Variants in ADGRB2 observed in about 807,000 individuals in gnomAD.
ADGRB2 encodes brain-specific angiogenesis inhibitor 2.
Under a neutral mutation model 178.7 loss-of-function variants are expected in ADGRB2, and 47 were observed. That is an observed-to-expected ratio of 0.26 (90% CI 0.21 to 0.34). The LOEUF (loss-of-function observed/expected upper bound fraction) is 0.34. ADGRB2 is among the 10% of genes least tolerant of loss of function. ADGRB2 has a pLI of 1.00. For missense variants in ADGRB2, 1,584 were observed against 2,180.8 expected, an observed-to-expected ratio of 0.73 and a Z score of 5.45; for synonymous variants, 870 against 912.4, an observed-to-expected ratio of 0.95 and a Z score of 0.84.
chr1:31,761,276 G>GC lies in ADGRB2; in HGVS notation c.-191+2607dup, dbSNP rs200020223. ...CCCCTTCCTCCGTGCCACCTTCCCTGCCCCCAAGCTACTCAGGCCAAAGCC... is the reference window on the plus strand; with the variant it reads ...CCCCTTCCTCCGTGCCACCTTCCCTGCCCCCCAAGCTACTCAGGCCAAAGCC... On this transcript the variant is annotated intron_variant, in intron 1 of 32. Transcript: ENST00000373658. This position sits in a 1 kb window ranked among gnomAD's most constrained non-coding sequence, Gnocchi z 4.2. 0.014 allele frequency among the ~76,000 whole-genome samples: 2,155 copies of GC among 152,302 alleles called. 20 individuals carry two copies. Among genetic ancestry groups the GC allele is most frequent in the Non-Finnish European group, 0.021 (1,446 of 68,024 alleles).
rs71006321 is a variant in ADGRB2 at position 31,728,803 on chromosome 1, AACACACACAC to A, written c.4381-180_4381-171del. Among the ~76,000 whole-genome samples the A allele has an allele frequency of 1.0e-3, 121 of 115,528 alleles. 1 individual carries two copies. The highest frequency in any genetic ancestry group is 1.2e-3 in the South Asian group (3 of 2,526). 75.8% of individuals were successfully genotyped at this position (115,528 alleles called of 152,430 possible). A position where few individuals can be genotyped will look rare whatever the true frequency, so the allele number is the denominator to read the frequency against. The stretch of plus-strand genomic sequence containing the variant: ...TGGGGCAGCTTTTCAGGCCTCACTG[AACACACACAC>A]ACACACACACACACACACACACACA... On this transcript the variant is annotated intron_variant, in intron 29 of 32. Coordinates refer to ENST00000373658, the MANE Select transcript of ADGRB2 (RefSeq NM_001364857.2). The surrounding 1 kb of genome is among the most constrained non-coding windows in gnomAD (Gnocchi z 6.7).
chr1:31,763,650 G>A (rs547349895), intron 1 of ADGRB2, among the ~76,000 whole-genome samples: 1 of 151,412 alleles, frequency 6.6e-6, no homozygotes, highest in African/African-American at 2.4e-5. Flanking sequence ...CTGGGGGAGG[G>A]GGGGGGCCGA....
Position 31,756,957 on chromosome 1 carries a change from A to G in ADGRB2, c.22-142T>C. 9.1e-7 allele frequency: 1 copy of G among 1,095,876 alleles called. No homozygotes were observed. Among genetic ancestry groups the G allele is most frequent in the East Asian group, 2.6e-5 (1 of 38,574 alleles). 67.9% of individuals were successfully genotyped at this position (1,095,876 alleles called of 1,614,324 possible). Reference sequence around the variant, plus strand: ...CACCTGGGTCCACCTGTGTGAACTTAGACAAGGGACTTGACCTCTCTGAGC... The same window carrying G: ...CACCTGGGTCCACCTGTGTGAACTTGGACAAGGGACTTGACCTCTCTGAGC... On this transcript the variant is annotated intron_variant, in intron 3 of 32. Coordinates refer to ENST00000373658, the MANE Select transcript of ADGRB2 (RefSeq NM_001364857.2). This position sits in a 1 kb window ranked among gnomAD's most constrained non-coding sequence, Gnocchi z 8.5.
At chr1:31,738,169 T>C (rs1261011842) in intron 18 of ADGRB2, 31 bp downstream of exon 18, 3 of 1,608,644 alleles carry the variant, frequency 1.9e-6, no homozygotes, top group Non-Finnish European at 8.5e-7. Context: ...CCTCCTCCCT[T>C]ATTCAGCCCA....
rs1453444044 is a variant in ADGRB2 at position 31,761,203 on chromosome 1, G to A, written c.-191+2681C>T. 6.6e-6 allele frequency among the ~76,000 whole-genome samples: 1 copy of A among 152,212 alleles called. No individual in the cohort carries two copies. The highest frequency in any genetic ancestry group is 2.4e-5 in the African/African-American group (1 of 41,458). On this transcript the variant is annotated intron_variant, in intron 1 of 32. Transcript: ENST00000373658. The surrounding 1 kb of genome is among the most constrained non-coding windows in gnomAD (Gnocchi z 4.2). ...GGCTGCCACTCCCCGGTGGGACCCA[G>A]GTCCGGCCACACTACCCAGAGGACT...
Position 31,728,640 on chromosome 1 carries a change from A to G in ADGRB2, c.4381-7T>C. Reference sequence around the variant, plus strand: ...AATACCGTAATTTCTTTCGCTGGGAAGGAGCAACAAGGAGGCAATGGAGGA... The same window carrying G: ...AATACCGTAATTTCTTTCGCTGGGAGGGAGCAACAAGGAGGCAATGGAGGA... On this transcript the variant is annotated splice_polypyrimidine_tract_variant and splice_region_variant and intron_variant, in intron 29 of 32. Transcript: ENST00000373658. The surrounding 1 kb of genome is among the most constrained non-coding windows in gnomAD (Gnocchi z 6.7). 6.2e-7 allele frequency: 1 copy of G among 1,613,968 alleles called. No individual in the cohort carries two copies. The highest frequency in any genetic ancestry group is 1.1e-5 in the South Asian group (1 of 91,070).
Position 31,740,218 on chromosome 1 carries a change from A to G in ADGRB2, c.1990-40T>C. On this transcript the variant is annotated intron_variant, in intron 12 of 32. Transcript: ENST00000373658. The surrounding 1 kb of genome is among the most constrained non-coding windows in gnomAD (Gnocchi z 5.9). ...ATGAGTGGCAGGGGGTCCTAGCCCC[A>G]GGGAACAGGGGGCTTCCCCCACTAT... 6.2e-7 allele frequency: 1 copy of G among 1,611,858 alleles called. No individual in the cohort carries two copies. Among genetic ancestry groups the G allele is most frequent in the East Asian group, 2.2e-5 (1 of 44,856 alleles).
intron 20 of ADGRB2, 82 bp from the exon 21 acceptor site, chr1:31,736,805 G>A (rs1181910260): frequency 2.0e-6 from 3 of 1,515,116 alleles, no homozygotes; most frequent in Admixed American, 2.2e-5. Context: ...CCCGCTGCTG[G>A]GCGCTGCCAC....
Position 31,742,047 on chromosome 1 carries a change from A to G in ADGRB2, c.1417+6T>C. On this transcript the variant is annotated splice_donor_region_variant and intron_variant, in intron 8 of 32. Coordinates refer to ENST00000373658, the MANE Select transcript of ADGRB2 (RefSeq NM_001364857.2). ...GCAACTTGCCACCACTGTGCCAAGC[A>G]CTCACCCGGGCACTCGAGGTTGCTG... 1 of 1,602,560 alleles carries G rather than the reference A, an allele frequency of 6.2e-7. No homozygotes were observed.
At chr1:31,743,820 G>T in intron 6 of ADGRB2, 1 of 190,312 alleles carries the variant, frequency 5.3e-6, no homozygotes, top group Non-Finnish European at 1.1e-5. Context: ...GGCTGAATTT[G>T]AATAGCCAAG....
rs565297785 is a variant in ADGRB2 at position 31,761,799 on chromosome 1, G to C, written c.-191+2085C>G. Among the ~76,000 whole-genome samples, 2 of 152,304 alleles carry C rather than the reference G, an allele frequency of 1.3e-5. No homozygotes were observed. The highest frequency in any genetic ancestry group is 4.8e-5 in the African/African-American group (2 of 41,536). ...CCTTTGGGATTAGGAGTGGAGTGGA[G>C]AGGGGCCTGACCTTGGCCTTGAACA... On this transcript the variant is annotated intron_variant, in intron 1 of 32. Coordinates refer to ENST00000373658, the MANE Select transcript of ADGRB2 (RefSeq NM_001364857.2). This position sits in a 1 kb window ranked among gnomAD's most constrained non-coding sequence, Gnocchi z 4.2.
At position 31,741,540 on chromosome 1, in the gene ADGRB2, G is replaced by A. The variant is rs983327815; in HGVS notation, c.1688-61C>T. Reference sequence around the variant, plus strand: ...GCCGAGCTCTCACCCACACTCCTCCGTATCTCAGAGAGGCTGGGGGCGCAG... The same window carrying A: ...GCCGAGCTCTCACCCACACTCCTCCATATCTCAGAGAGGCTGGGGGCGCAG... On this transcript the variant is annotated intron_variant, in intron 10 of 32. Transcript: ENST00000373658. This position sits in a 1 kb window ranked among gnomAD's most constrained non-coding sequence, Gnocchi z 6.5. 5.1e-5 allele frequency: 81 copies of A among 1,586,108 alleles called. No homozygotes were observed. Among genetic ancestry groups the A allele is most frequent in the African/African-American group, 1.1e-4 (8 of 74,494 alleles).
At chr1:31,757,304 G>A in intron 2 of ADGRB2, 23 bp from the exon 3 acceptor site, 1 of 1,544,400 alleles carries the variant, frequency 6.5e-7, no homozygotes, top group Non-Finnish European at 8.9e-7. Context: ...TCAAAGTGGT[G>A]ATGTTTGACT....
chr1:31,743,555 C>T (rs1423257670), intron 6 of ADGRB2: 2 of 152,944 alleles, frequency 1.3e-5, no homozygotes, highest in Admixed American at 1.3e-4. Context: ...TACCAAGAGC[C>T]CTTCCCAGGT....
rs553446690 is a variant in ADGRB2, at chr1:31,733,333, G to A, written c.3453-190C>T. Among the ~76,000 whole-genome samples, 42 of 152,302 alleles carry A rather than the reference G, an allele frequency of 2.8e-4. 1 individual carries two copies. In the East Asian group the frequency reaches 3.7e-3, roughly 13 times the overall value. ...GAGCCAGAGAAACAGAACAGAGACCGAAAGCAGCGAACTACGGGGTCAGAG... is the reference window on the plus strand; with the variant it reads ...GAGCCAGAGAAACAGAACAGAGACCAAAAGCAGCGAACTACGGGGTCAGAG... On this transcript the variant is annotated intron_variant, in intron 25 of 32. Transcript: ENST00000373658. This position sits in a 1 kb window ranked among gnomAD's most constrained non-coding sequence, Gnocchi z 4.3.
intron 21 of ADGRB2, 25 bp from the exon 22 acceptor site, chr1:31,736,415 G>A: frequency 6.2e-7 from 1 of 1,613,294 alleles, no homozygotes; most frequent in East Asian, 2.2e-5. Context: ...GTGCCAGAGT[G>A]AGATGGTTGC....
chr1:31,757,160 A>G, intron 3 of ADGRB2, 41 bp downstream of exon 3: 4 of 1,614,150 alleles, frequency 2.5e-6, no homozygotes, highest in Non-Finnish European at 3.4e-6. Flanking sequence ...CATCAACTAC[A>G]AGCATATTCG....
chr1:31,736,731 G>C lies in ADGRB2; in HGVS notation c.2980-8C>G. On this transcript the variant is annotated splice_polypyrimidine_tract_variant and splice_region_variant and intron_variant, in intron 20 of 32. Coordinates refer to ENST00000373658, the MANE Select transcript of ADGRB2 (RefSeq NM_001364857.2). ...CGTCATGGTGCACACGCCCTGCAGG[G>C]AGAGGGAATGGGAGGGAGTGGCCCT... 6.2e-7 allele frequency: 1 copy of C among 1,612,962 alleles called. No individual in the cohort carries two copies. Among genetic ancestry groups the C allele is most frequent in the South Asian group, 1.1e-5 (1 of 90,984 alleles).
At chr1:31,734,711 T>C (rs1569798310) in intron 25 of ADGRB2, among the ~76,000 whole-genome samples, 1 of 152,140 alleles carries the variant, frequency 6.6e-6, no homozygotes, top group South Asian at 2.1e-4. Flanking sequence ...TCCAATTGAG[T>C]GTGAGATTCA....
Sources: gnomAD v4.1 joint callset for allele counts (sites outside exome capture counted in the v4.1 genomes callset) on GRCh38, gnomAD v4.1.1 for gene constraint, Gnocchi (gnomAD v3.1) non-coding constraint, MANE v1.5 for transcripts, NCBI Gene and HGNC (gene_info 2026-07-23, HGNC 2026-07-21) for gene names.